Variants in PLCH2 observed in about 807,000 individuals in gnomAD.
PLCH2 encodes the protein 1-phosphatidylinositol 4,5-bisphosphate phosphodiesterase eta-2.
Under a neutral mutation model 134.7 loss-of-function variants are expected in PLCH2, and 98 were observed. The observed-to-expected ratio is 0.73, with a 90% CI of 0.62 to 0.86. The LOEUF is 0.86. Among genes scored for constraint, PLCH2 ranks in the 40% least tolerant of loss-of-function variants. The pLI is 0.00. For synonymous variants in PLCH2, 974 were observed against 827.5 expected (o/e 1.18, Z -3.04); for missense variants, 1,994 against 1,986.6 (o/e 1.00, Z -0.07).
At chr1:2,467,425 C>T (rs34349643), upstream of PLCH2, 1 of 378,308 alleles carries the variant, frequency 2.6e-6, no homozygotes, top group Non-Finnish European at 4.6e-6. Flanking sequence ...GCGGCGGCCC[C>T]GTCCCGCCTT....
intron 2 of PLCH2, among the ~76,000 whole-genome samples, chr1:2,435,527 G>A (rs1186781276): frequency 6.6e-6 from 1 of 152,094 alleles, no homozygotes; most frequent in Non-Finnish European, 1.5e-5. Flanking sequence ...AGGCGCAGGG[G>A]CCTCTCTTTG....
rs1329742667 is a variant in PLCH2, at chr1:2,489,766, A to G, written c.1414A>G (p.Lys472Glu). ...CATGCACCTCCTCCCCCAGGGGAAG[A>G]AGCTCCCAGCCAACATCAGCGAGGA... ...LKGKILVKGK[K>E]LPANISEDAE... Residue 472 changes from lysine (K) to glutamate (E), a missense_variant, in exon 10 of 22, where the codon AAG (lysine) becomes GAG (glutamate). Lys to Glu is a moderately conservative substitution (Grantham distance 56). This residue lies in a region of PLCH2 where 1,094 missense variants were observed against 1,234.3 expected (regional missense o/e 0.89). Coordinates refer to ENST00000378486, the MANE Select transcript of PLCH2 (RefSeq NM_014638.4). The G allele has an allele frequency of 6.2e-7, 1 of 1,613,110 alleles. No homozygotes were observed. The highest frequency in any genetic ancestry group is 1.1e-5 in the South Asian group (1 of 91,072).
Position 2,498,275 on chromosome 1 carries a change from A to C in PLCH2, c.2225-248A>C. The stretch of plus-strand genomic sequence containing the variant: ...CAGACCCACCCCCAGAAGCCATGTG[A>C]CCTCCTCGGCTCAGCTGTGGGAGGC... On this transcript the variant is annotated intron_variant, in intron 16 of 21. Transcript: ENST00000378486. The surrounding 1 kb of genome is among the most constrained non-coding windows in gnomAD (Gnocchi z 5.4). The C allele has an allele frequency of 2.3e-6, 1 of 444,050 alleles. No homozygotes were observed. The highest frequency in any genetic ancestry group is 4.0e-6 in the Non-Finnish European group (1 of 248,378). 27.5% of individuals were successfully genotyped at this position (444,050 alleles called of 1,614,324 possible). A position where few individuals can be genotyped will look rare whatever the true frequency, so the allele number is the denominator to read the frequency against.
At chr1:2,485,387 A>T (rs1642233123) in intron 5 of PLCH2, among the ~76,000 whole-genome samples, 1 of 152,208 alleles carries the variant, frequency 6.6e-6, no homozygotes, top group African/African-American at 2.4e-5. Context: ...ACAGGGATCC[A>T]TGGGAGGGGC....
At position 2,504,229 on chromosome 1, in the gene PLCH2, C is replaced by T. The variant is rs775081879; in HGVS notation, c.3267C>T (p.Pro1089=). ...AGCCCCGGACCCTGGGCCACCTGCC[C>T]GTGATTAGAAGGGTGAAGAGTGAGG... is the stretch of plus-strand genomic sequence containing the variant. The part of the protein sequence containing the change: ...RSQPRTLGHL[P]VIRRVKSEGQ... The change falls in exon 22 of 22, where the codon CCC becomes CCT. Residue 1089 remains proline, a synonymous_variant. Coordinates refer to ENST00000378486, the MANE Select transcript of PLCH2 (RefSeq NM_014638.4). The T allele has an allele frequency of 1.7e-5, 26 of 1,571,902 alleles. No homozygotes were observed. Among genetic ancestry groups the T allele is most frequent in the Admixed American group, 1.3e-4 (7 of 53,358 alleles).
At chr1:2,473,616 T>C (rs1641452494), upstream of PLCH2, among the ~76,000 whole-genome samples, 1 of 152,074 alleles carries the variant, frequency 6.6e-6, no homozygotes, top group Admixed American at 6.5e-5. Context: ...TGCCCGTCCC[T>C]CCCTGTCCAC....
chr1:2,504,192 A>G lies in PLCH2; in HGVS notation c.3230A>G (p.Asp1077Gly), dbSNP rs1643399511. The G allele has an allele frequency of 6.5e-7, 1 of 1,546,132 alleles. No homozygotes were observed. ...GAGAGGGCCCCCGGCAGCCAGACGG[A>G]CGGCAGGAGCCAGCCCCGGACCCTG... Reference protein sequence around the residue: ...AYERAPGSQTDGRSQPRTLGH... With the variant: ...AYERAPGSQTGGRSQPRTLGH... Residue 1077 changes from aspartate (D) to glycine (G), a missense_variant, in exon 22 of 22, where the codon GAC becomes GGC. By Grantham distance (94) the Asp-to-Gly change is moderately conservative. Coordinates refer to ENST00000378486, the MANE Select transcript of PLCH2 (RefSeq NM_014638.4).
In PLCH2 at chr1:2,448,698, C is replaced by T. The variant is rs1330021252; in HGVS notation, c.115+18069C>T. ...GCTCACGCTGCTGAGGTCCCACAGG[C>T]CCCCTGGCGCAGCCTCCTGGCTCCC... On this transcript the variant is annotated intron_variant, in intron 2 of 3. Coordinates refer to the PLCH2 transcript ENST00000609981. This position sits in a 1 kb window ranked among gnomAD's most constrained non-coding sequence, Gnocchi z 4.0. 6.6e-6 allele frequency among the ~76,000 whole-genome samples: 1 copy of T among 152,016 alleles called. No homozygotes were observed. Among genetic ancestry groups the T allele is most frequent in the African/African-American group, 2.4e-5 (1 of 41,366 alleles).
chr1:2,424,772 G>A (rs1638689424), upstream of PLCH2, among the ~76,000 whole-genome samples: 1 of 152,190 alleles, frequency 6.6e-6, no homozygotes, highest in South Asian at 2.1e-4. Flanking sequence ...CGGATCACGA[G>A]GTCAGGAGAT....
At chr1:2,435,199 GGGGGTGA>G (rs1639271816) in intron 2 of PLCH2, among the ~76,000 whole-genome samples, 1 of 152,184 alleles carries the variant, frequency 6.6e-6, no homozygotes, top group African/African-American at 2.4e-5. Flanking sequence ...AGATGGTCCC[GGGGGTGA>G]GGACCTTTCC....
intron 2 of PLCH2, among the ~76,000 whole-genome samples, chr1:2,438,295 C>T (rs1468288476): frequency 1.3e-5 from 2 of 152,202 alleles, no homozygotes; most frequent in African/African-American, 2.4e-5. Context: ...GCCCGGCTGG[C>T]GTGGGGTAAG....
Position 2,503,938 on chromosome 1 carries a change from C to T in PLCH2, c.2976C>T (p.Ser992=), listed in dbSNP as rs1558041164. 2.3e-6 allele frequency: 3 copies of T among 1,286,036 alleles called. No individual in the cohort carries two copies. Among genetic ancestry groups the T allele is most frequent in the South Asian group, 2.6e-5 (2 of 78,176 alleles). The allele number at this position is 1,286,036 out of a possible 1,614,324, so 79.7% of individuals were successfully genotyped here. A position where few individuals can be genotyped will look rare whatever the true frequency, so the allele number is the denominator to read the frequency against. Residue 992 remains serine (S), a synonymous_variant, in exon 22 of 22, where the codon TCC becomes TCT. Coordinates refer to ENST00000378486, the MANE Select transcript of PLCH2 (RefSeq NM_014638.4). ...TCCCCACAGACACCCGCCCCCTCTC[C>T]ACGCAGCGGCCACTCCCCCCACTGT... The part of the protein sequence containing the change: ...SGSPRDTRPL[S]TQRPLPPLCS...
chr1:2,460,070 C>T (rs1640739723), intron 2 of PLCH2, among the ~76,000 whole-genome samples: 1 of 152,270 alleles, frequency 6.6e-6, no homozygotes, highest in South Asian at 2.1e-4. Context: ...TGGCGCTGTC[C>T]AGCCCTGCCC....
At chr1:2,469,079 G>T (rs920209908) in intron 1 of PLCH2, among the ~76,000 whole-genome samples, 1 of 152,200 alleles carries the variant, frequency 6.6e-6, no homozygotes, top group African/African-American at 2.4e-5. Context: ...CACTCCAGGT[G>T]CACCCACTCG....
At chr1:2,503,817 CG>C in intron 21 of PLCH2, 104 bp from the exon 22 acceptor site, 2 of 625,018 alleles carry the variant, frequency 3.2e-6, no homozygotes, top group Non-Finnish European at 2.9e-6. Context: ...CACAGGGCAC[CG>C]GGGACACCAC....
intron 2 of PLCH2, among the ~76,000 whole-genome samples, chr1:2,445,886 T>C (rs1276461983): frequency 6.6e-6 from 1 of 152,218 alleles, no homozygotes; most frequent in Non-Finnish European, 1.5e-5. Flanking sequence ...AATTTGTGTA[T>C]CTTCTGTTAC....
chr1:2,484,376 G>A (rs1253096430), intron 4 of PLCH2, 72 bp from the exon 5 acceptor site: 2 of 1,461,356 alleles, frequency 1.4e-6, no homozygotes, highest in Non-Finnish European at 1.9e-6. Context: ...GGAGTGGGGT[G>A]GTCCTGAAGG....
At chr1:2,485,365 G>A (rs780527055) in intron 5 of PLCH2, among the ~76,000 whole-genome samples, 17 of 152,246 alleles carry the variant, frequency 1.1e-4, no homozygotes, top group Non-Finnish European at 2.1e-4. Flanking sequence ...GAAGGCCGGA[G>A]CCCCAGTGGG....
At chr1:2,464,214 C>T (rs754169479), upstream of PLCH2, among the ~76,000 whole-genome samples, 51 of 152,130 alleles carry the variant, frequency 3.4e-4, no homozygotes, top group Non-Finnish European at 6.8e-4. Flanking sequence ...CCATGGGGTT[C>T]GAGTGTTGGC....
Sources: gnomAD v4.1 joint callset for allele counts (sites outside exome capture counted in the v4.1 genomes callset) on GRCh38, gnomAD v4.1.1 for gene constraint, gnomAD v4.1.1 regional missense constraint, Gnocchi (gnomAD v3.1) non-coding constraint, MANE v1.5 for transcripts, NCBI Gene and HGNC (gene_info 2026-07-23, HGNC 2026-07-21) for gene names.